NXPE2: variants seen among roughly 807,000 people sequenced by gnomAD.
The protein encoded by NXPE2 is NXPE family member 2.
A neutral mutation model predicts 34.4 loss-of-function variants in NXPE2; 34 were observed. The ratio of observed to expected loss-of-function variants is 0.99; its 90% CI spans 0.75 to 1.31. The LOEUF is 1.31. Among genes scored for constraint, NXPE2 ranks in the 40% most tolerant of loss-of-function variants. The pLI, the probability that NXPE2 is intolerant of heterozygous loss-of-function variation, is 0.00. For missense variants in NXPE2, 649 were observed against 672.5 expected (o/e 0.97, Z 0.39); for synonymous variants, 235 against 231.3 (o/e 1.02, Z -0.15).
chr11:114,593,899 T>C, the NXPE2 span, among the ~76,000 whole-genome samples: 2 of 152,172 alleles, frequency 1.3e-5, no homozygotes, highest in Admixed American at 6.5e-5. Context: ...AAGGTCATTA[T>C]GTTAAGTGAA....
the NXPE2 span, among the ~76,000 whole-genome samples, chr11:114,749,361 G>A: frequency 6.6e-6 from 1 of 152,050 alleles, no homozygotes; most frequent in Admixed American, 6.6e-5. Flanking sequence ...TATCAGCAGG[G>A]AACTGATTCC....
chr11:114,735,579 A>G, the NXPE2 span, among the ~76,000 whole-genome samples: 1 of 152,236 alleles, frequency 6.6e-6, no homozygotes, highest in Admixed American at 6.5e-5. Context: ...TTAGCTTAGT[A>G]CATAGGAATC....
At chr11:114,758,084 G>T in the NXPE2 span, among the ~76,000 whole-genome samples, 1 of 152,200 alleles carries the variant, frequency 6.6e-6, no homozygotes, top group South Asian at 2.1e-4. Context: ...GGTGTAGAAA[G>T]AGTGAATTCT....
the NXPE2 span, among the ~76,000 whole-genome samples, chr11:114,731,406 T>C: frequency 6.6e-6 from 1 of 152,224 alleles, no homozygotes; most frequent in African/African-American, 2.4e-5. Flanking sequence ...CTTATGTTTA[T>C]ACAAACACCT....
the NXPE2 span, among the ~76,000 whole-genome samples, chr11:114,810,209 T>A: frequency 6.7e-6 from 1 of 149,546 alleles, no homozygotes; most frequent in East Asian, 2.0e-4. Context: ...ATTAAAGACT[T>A]ACATGTTAGA....
chr11:114,480,930 C>G, the NXPE2 span, among the ~76,000 whole-genome samples: 17 of 152,152 alleles, frequency 1.1e-4, no homozygotes, highest in South Asian at 1.0e-3. Flanking sequence ...TGAGAAATCT[C>G]TAGAGATTAT....
chr11:114,744,502 A>G, the NXPE2 span, among the ~76,000 whole-genome samples: 2 of 152,194 alleles, frequency 1.3e-5, no homozygotes, highest in Non-Finnish European at 2.9e-5. Flanking sequence ...AAATCTCTTT[A>G]TGTATTTTAT....
the NXPE2 span, among the ~76,000 whole-genome samples, chr11:114,633,363 TATATA>T: frequency 0.011 from 1,601 of 143,646 alleles, 27 homozygotes; most frequent in South Asian, 0.022. Context: ...TTATATATAC[TATATA>T]ATATATTATG....
chr11:114,583,368 A>C, the NXPE2 span: 8 of 624,026 alleles, frequency 1.3e-5, no homozygotes, highest in East Asian at 2.6e-4. Context: ...TGCGTGACTC[A>C]TAATTTGCTG....
At chr11:114,577,006 A>C in the NXPE2 span, among the ~76,000 whole-genome samples, 3 of 34,210 alleles carry the variant, frequency 8.8e-5, no homozygotes, top group African/African-American at 3.7e-4. Flanking sequence ...TATATATATA[A>C]AGTTATATAT....
At chr11:114,784,673 G>C in the NXPE2 span, among the ~76,000 whole-genome samples, 1 of 152,032 alleles carries the variant, frequency 6.6e-6, no homozygotes, top group Non-Finnish European at 1.5e-5. Context: ...TTTTGCTAAG[G>C]GGGGAAAAAA....
At chr11:114,601,942 A>C in the NXPE2 span, among the ~76,000 whole-genome samples, 6 of 81,508 alleles carry the variant, frequency 7.4e-5, no homozygotes, top group African/African-American at 2.5e-4. Flanking sequence ...TATATATTAT[A>C]TAATTATATA....
At chr11:114,625,736 G>A in the NXPE2 span, among the ~76,000 whole-genome samples, 2 of 152,156 alleles carry the variant, frequency 1.3e-5, no homozygotes, top group Admixed American at 6.5e-5. Flanking sequence ...CAGAAGGCAG[G>A]TGATTTCTGC....
At chr11:114,635,789 C>G in the NXPE2 span, among the ~76,000 whole-genome samples, 2 of 152,024 alleles carry the variant, frequency 1.3e-5, no homozygotes, top group Non-Finnish European at 2.9e-5. Flanking sequence ...ATATATTGAA[C>G]CAGGCTTGCA....
At chr11:114,738,827 T>G in the NXPE2 span, among the ~76,000 whole-genome samples, 3 of 151,056 alleles carry the variant, frequency 2.0e-5, no homozygotes, top group Non-Finnish European at 4.4e-5. Context: ...CTTCAGGATG[T>G]TTTTTTTTCA....
chr11:114,732,318 T>G, the NXPE2 span, among the ~76,000 whole-genome samples: 2 of 152,208 alleles, frequency 1.3e-5, no homozygotes, highest in Admixed American at 1.3e-4. Context: ...AAAATGTAAT[T>G]GTATTTCTGA....
the NXPE2 span, among the ~76,000 whole-genome samples, chr11:114,508,581 T>A: frequency 6.6e-6 from 1 of 152,002 alleles, no homozygotes; most frequent in African/African-American, 2.4e-5. Flanking sequence ...AACTCAGAAA[T>A]AAGACCGCAT....
the NXPE2 span, chr11:114,517,743 G>A: frequency 6.6e-6 from 1 of 152,316 alleles, no homozygotes; most frequent in Admixed American, 6.5e-5. Flanking sequence ...GAAACCAGAG[G>A]TTGGGGGTCA....
At chr11:114,742,988 A>C in the NXPE2 span, among the ~76,000 whole-genome samples, 1 of 152,020 alleles carries the variant, frequency 6.6e-6, no homozygotes, top group Non-Finnish European at 1.5e-5. Context: ...TGCTGCTTTT[A>C]TTTGGGGCTG....
Sources: gnomAD v4.1 joint callset for allele counts (sites outside exome capture counted in the v4.1 genomes callset) on GRCh38, gnomAD v4.1.1 for gene constraint, MANE v1.5 for transcripts, NCBI Gene and HGNC (gene_info 2026-07-23, HGNC 2026-07-21) for gene names.